FGF13: variants seen among roughly 807,000 people sequenced by gnomAD.
FGF13 encodes fibroblast growth factor 13, also known as fibroblast growth factor homologous factor 2.
Under a neutral mutation model 19.5 loss-of-function variants are expected in FGF13, and 2 were observed. That is an observed-to-expected ratio of 0.10 (90% CI 0.04 to 0.32). The LOEUF is 0.32. Among genes scored for constraint, FGF13 ranks in the 10% least tolerant of loss-of-function variants. The pLI is 1.00. For missense variants in FGF13, 113 were observed against 192.7 expected (o/e 0.59, Z 2.45); for synonymous variants, 72 against 76.9 (o/e 0.94, Z 0.33).
intron 3 of FGF13, among the ~76,000 whole-genome samples, chrX:138,801,609 A>C (rs2090829955): frequency 8.9e-6 from 1 of 111,994 alleles, no homozygotes; most frequent in Non-Finnish European, 1.9e-5. Flanking sequence ...GAGCTCGAGC[A>C]CTGTACTGGG....
chrX:138,688,864 C>A (rs2089811541), intron 3 of FGF13, among the ~76,000 whole-genome samples: 2 of 112,091 alleles, frequency 1.8e-5, no homozygotes, highest in African/African-American at 6.5e-5. Context: ...GGTATGAAAT[C>A]AAATCATTTA....
chrX:138,820,369 T>C (rs1192344009), intron 3 of FGF13, among the ~76,000 whole-genome samples: 1 of 112,001 alleles, frequency 8.9e-6, no homozygotes, highest in Non-Finnish European at 1.9e-5. Flanking sequence ...TGCTTAGCAC[T>C]GAGGATGCAT....
chrX:138,808,683 TAACA>T (rs201771153), intron 3 of FGF13, among the ~76,000 whole-genome samples: 7,861 of 109,998 alleles, frequency 0.071, 642 homozygotes, highest in African/African-American at 0.23. Context: ...ACAAAATCAC[TAACA>T]AGATCACTAG....
At chrX:139,066,595 G>C (rs1017964533) in intron 1 of FGF13, among the ~76,000 whole-genome samples, 6 of 111,139 alleles carry the variant, frequency 5.4e-5, no homozygotes, top group African/African-American at 2.0e-4. Context: ...TTGAATCCCT[G>C]AATAGACCAG....
At chrX:139,021,574 C>T (rs1222262083) in intron 1 of FGF13, among the ~76,000 whole-genome samples, 2 of 110,830 alleles carry the variant, frequency 1.8e-5, no homozygotes, top group African/African-American at 6.5e-5. Flanking sequence ...AACCCTGCAC[C>T]CAGTAATTAG....
intron 1 of FGF13, among the ~76,000 whole-genome samples, chrX:138,940,139 G>A (rs2091750827): frequency 9.0e-6 from 1 of 111,173 alleles, no homozygotes; most frequent in Non-Finnish European, 1.9e-5. Context: ...CTACGTTATT[G>A]TGGTTTTGAT....
intron 1 of FGF13, among the ~76,000 whole-genome samples, chrX:139,064,879 T>C (rs754646560): frequency 1.8e-5 from 2 of 111,744 alleles, no homozygotes; most frequent in African/African-American, 6.5e-5. Flanking sequence ...CTTTTCATTC[T>C]TTTTTCTCTA....
chrX:138,764,401 A>G (rs1408077109), intron 3 of FGF13, among the ~76,000 whole-genome samples: 2 of 112,825 alleles, frequency 1.8e-5, no homozygotes, highest in Non-Finnish European at 3.7e-5. Flanking sequence ...TATAACAGCT[A>G]TTAGGCATAC....
At chrX:139,101,778 C>A (rs900560430) in intron 1 of FGF13, among the ~76,000 whole-genome samples, 1 of 111,999 alleles carries the variant, frequency 8.9e-6, no homozygotes, top group Non-Finnish European at 1.9e-5. Context: ...GCCACACAAC[C>A]ATTTCAATAT....
intron 3 of FGF13, among the ~76,000 whole-genome samples, chrX:138,812,829 T>C (rs748631677): frequency 3.6e-5 from 4 of 110,245 alleles, no homozygotes; most frequent in Non-Finnish European, 7.6e-5. Flanking sequence ...TATTGACCCG[T>C]CTTCTAAGTT....
At chrX:138,779,840 G>C (rs1162910324) in intron 3 of FGF13, among the ~76,000 whole-genome samples, 3 of 105,301 alleles carry the variant, frequency 2.8e-5, no homozygotes, top group African/African-American at 7.0e-5. Flanking sequence ...CCCGAGAAGA[G>C]CAACTCCAAG....
chrX:138,850,454 G>T (rs2091214096), intron 3 of FGF13, among the ~76,000 whole-genome samples: 1 of 111,702 alleles, frequency 9.0e-6, no homozygotes, highest in Non-Finnish European at 1.9e-5. Flanking sequence ...TACTTTGTGG[G>T]GAGAGGATAG....
At chrX:138,816,552 G>A (rs1355978213) in intron 3 of FGF13, among the ~76,000 whole-genome samples, 2 of 112,504 alleles carry the variant, frequency 1.8e-5, no homozygotes, top group African/African-American at 3.2e-5. Flanking sequence ...GCAAAAAATA[G>A]GAAACTGATG....
chrX:139,177,344 C>G (rs2084196548), intron 1 of FGF13, among the ~76,000 whole-genome samples: 1 of 101,236 alleles, frequency 9.9e-6, no homozygotes, highest in Non-Finnish European at 2.0e-5. Flanking sequence ...CCCCTGAATA[C>G]AGCACACTGA....
At chrX:138,793,413 T>C (rs1221383878) in intron 3 of FGF13, among the ~76,000 whole-genome samples, 1 of 111,267 alleles carries the variant, frequency 9.0e-6, no homozygotes, top group Non-Finnish European at 1.9e-5. Context: ...AATCCCCAGC[T>C]ACAGATTCCA....
Position 139,072,909 on chromosome X carries a change from T to C in FGF13, c.-113+130507A>G, listed in dbSNP as rs144543021. Among the ~76,000 whole-genome samples, 243 of 112,118 alleles carry C rather than the reference T, an allele frequency of 2.2e-3. 2 individuals carry two copies. The highest frequency in any genetic ancestry group is 7.6e-3 in the African/African-American group (234 of 30,946). ...TCCTTGAACCTCTTTTGTATCTTTT[T>C]ATGTTTCTGTGTTGCATTTTGCGTG... is the stretch of plus-strand genomic sequence containing the variant. On this transcript the variant is annotated intron_variant, in intron 1 of 2. Coordinates refer to the FGF13 transcript ENST00000421460.
At chrX:138,688,285 G>C (rs892443742) in intron 3 of FGF13, among the ~76,000 whole-genome samples, 1 of 110,561 alleles carries the variant, frequency 9.0e-6, no homozygotes, top group African/African-American at 3.3e-5. Flanking sequence ...TCTTATGGAG[G>C]TAGAGAGTAG....
chrX:138,781,149 T>C (rs2090638319), intron 3 of FGF13, among the ~76,000 whole-genome samples: 1 of 111,112 alleles, frequency 9.0e-6, no homozygotes, highest in Non-Finnish European at 1.9e-5. Flanking sequence ...CCAGAATCTC[T>C]GGGACGCATT....
chrX:139,109,886 C>A (rs2083588702), intron 1 of FGF13, among the ~76,000 whole-genome samples: 1 of 111,587 alleles, frequency 9.0e-6, no homozygotes, highest in Admixed American at 9.5e-5. Context: ...GAAGACCCAG[C>A]CTCGAAGAGG....
Sources: allele counts gnomAD v4.1 joint callset (sites outside exome capture counted in the v4.1 genomes callset), GRCh38; gene constraint gnomAD v4.1.1; transcripts MANE v1.5; gene names NCBI Gene and HGNC (gene_info 2026-07-23, HGNC 2026-07-21).